Variants in ROBO1 observed in about 807,000 individuals in gnomAD.
ROBO1 encodes roundabout homolog 1.
A neutral mutation model predicts 195.9 loss-of-function variants in ROBO1; 149 were observed. That is an observed-to-expected ratio of 0.76 (90% CI 0.67 to 0.87). The LOEUF (loss-of-function observed/expected upper bound fraction) is 0.87, where lower values mean the gene tolerates loss of function less well. Among genes scored for constraint, ROBO1 ranks in the 40% least tolerant of loss-of-function variants. The pLI is 0.00. For synonymous variants in ROBO1, 816 were observed against 733.2 expected (o/e 1.11, Z -1.82); for missense variants, 1,933 against 2,068.3 (o/e 0.93, Z 1.27).
intron 1 of ROBO1, among the ~76,000 whole-genome samples, chr3:79,605,336 C>G (rs1944450926): frequency 6.6e-6 from 1 of 150,516 alleles, no homozygotes; most frequent in South Asian, 2.1e-4. Context: ...TTTCTAGATT[C>G]TTTTCTGGGA....
At chr3:78,691,960 A>G (rs1310816926) in intron 8 of ROBO1, among the ~76,000 whole-genome samples, 1 of 151,944 alleles carries the variant, frequency 6.6e-6, no homozygotes, top group Non-Finnish European at 1.5e-5. Context: ...TGTTGCAAAT[A>G]TATTTTTCCA....
chr3:78,858,017 T>C (rs879446013), intron 4 of ROBO1, among the ~76,000 whole-genome samples: 9 of 152,168 alleles, frequency 5.9e-5, no homozygotes, highest in Non-Finnish European at 1.2e-4. Flanking sequence ...ATTCCTGATA[T>C]ATTGTCAAGA....
intron 4 of ROBO1, among the ~76,000 whole-genome samples, chr3:78,864,498 C>CT (rs2035043448): frequency 6.6e-6 from 1 of 151,976 alleles, no homozygotes; most frequent in Non-Finnish European, 1.5e-5. Context: ...GAAGGCATTA[C>CT]TTTTTACAAA....
At chr3:78,702,867 A>C (rs1202774217) in intron 8 of ROBO1, among the ~76,000 whole-genome samples, 1 of 152,180 alleles carries the variant, frequency 6.6e-6, no homozygotes, top group Non-Finnish European at 1.5e-5. Context: ...GTGCTATGTC[A>C]TTATTTGTCA....
chr3:79,248,349 T>TAAGGTCC (rs2082661006), intron 2 of ROBO1, among the ~76,000 whole-genome samples: 1 of 96,282 alleles, frequency 1.0e-5, no homozygotes, highest in Non-Finnish European at 1.9e-5. Flanking sequence ...GCCTAATAGA[T>TAAGGTCC]AAGGTCCTAG....
chr3:79,177,990 C>A (rs889243467), intron 2 of ROBO1, among the ~76,000 whole-genome samples: 1 of 152,154 alleles, frequency 6.6e-6, no homozygotes, highest in Non-Finnish European at 1.5e-5. Context: ...AACAAGCTCT[C>A]TTTTACCTGC....
intron 3 of ROBO1, among the ~76,000 whole-genome samples, chr3:78,981,143 T>C (rs1003014261): frequency 6.6e-6 from 1 of 152,182 alleles, no homozygotes; most frequent in African/African-American, 2.4e-5. Context: ...TGGCTGGTAA[T>C]TGGGCATTGA....
chr3:79,298,062 A>C (rs1487636459), intron 2 of ROBO1, among the ~76,000 whole-genome samples: 1 of 152,150 alleles, frequency 6.6e-6, no homozygotes, highest in East Asian at 1.9e-4. Context: ...AAATAGAGAA[A>C]TACTATTCTC....
At chr3:78,685,258 T>G (rs906018615) in intron 10 of ROBO1, among the ~76,000 whole-genome samples, 37 of 152,196 alleles carry the variant, frequency 2.4e-4, no homozygotes, top group African/African-American at 8.4e-4. Flanking sequence ...TGTTCAGCAC[T>G]GTGTCCTTAC....
intron 10 of ROBO1, among the ~76,000 whole-genome samples, chr3:78,676,008 C>T (rs1427193637): frequency 1.3e-5 from 2 of 152,044 alleles, no homozygotes; most frequent in Non-Finnish European, 2.9e-5. Context: ...CAGCAGCATT[C>T]GAGGTTCATG....
intron 26 of ROBO1, among the ~76,000 whole-genome samples, chr3:78,618,248 T>C (rs1324078462): frequency 6.6e-6 from 1 of 152,208 alleles, no homozygotes; most frequent in African/African-American, 2.4e-5. Context: ...ACCGGGTTAC[T>C]TTCTGATTCA....
At chr3:79,708,229 A>G (rs939798606) in intron 1 of ROBO1, among the ~76,000 whole-genome samples, 1 of 152,168 alleles carries the variant, frequency 6.6e-6, no homozygotes, top group Non-Finnish European at 1.5e-5. Flanking sequence ...ATTCTTATCA[A>G]GATTGGGAAG....
intron 4 of ROBO1, among the ~76,000 whole-genome samples, chr3:78,892,277 C>T (rs2036949476): frequency 6.6e-6 from 1 of 152,158 alleles, no homozygotes; most frequent in Non-Finnish European, 1.5e-5. Context: ...ACTTAGGTTG[C>T]ATCCTCCTTG....
intron 3 of ROBO1, among the ~76,000 whole-genome samples, chr3:79,021,701 C>A (rs2078106265): frequency 7.0e-6 from 1 of 143,248 alleles, no homozygotes; most frequent in African/African-American, 2.6e-5. Context: ...GTCTTTGTCG[C>A]CCAGGCTGGA....
intron 1 of ROBO1, among the ~76,000 whole-genome samples, chr3:79,652,699 T>C (rs903903957): frequency 2.0e-5 from 3 of 152,048 alleles, no homozygotes; most frequent in Non-Finnish European, 2.9e-5. Flanking sequence ...GTGGTGGTGA[T>C]GGCAGTAGTA....
chr3:78,850,926 C>T (rs918124610), intron 4 of ROBO1, among the ~76,000 whole-genome samples: 2 of 152,068 alleles, frequency 1.3e-5, no homozygotes, highest in African/African-American at 4.8e-5. Context: ...CCTGCCTCAG[C>T]CTCCTGAGTA....
chr3:79,392,360 C>T (rs545295181), intron 2 of ROBO1, among the ~76,000 whole-genome samples: 1 of 152,118 alleles, frequency 6.6e-6, no homozygotes, highest in East Asian at 1.9e-4. Context: ...AAATGAGTAC[C>T]AGTTTTGAAG....
rs1231362192 is a variant in ROBO1 at position 78,677,938 on chromosome 3, A to G, written c.1343-7637T>C. Among the ~76,000 whole-genome samples the G allele has an allele frequency of 2.0e-5, 3 of 151,780 alleles. No homozygotes were observed. The East Asian group carries it at 5.8e-4, about 29-fold the overall frequency. Reference sequence around the variant, plus strand: ...CGTAGTTGGAAGTAAAGCTCTCCTCAGCAAATGTAAAAGAACAGAAATTAT... The same window carrying G: ...CGTAGTTGGAAGTAAAGCTCTCCTCGGCAAATGTAAAAGAACAGAAATTAT... On this transcript the variant is annotated intron_variant, in intron 10 of 30. Coordinates refer to ENST00000464233, the MANE Select transcript of ROBO1 (RefSeq NM_002941.4).
At chr3:78,983,547 T>C (rs751939590) in intron 3 of ROBO1, among the ~76,000 whole-genome samples, 16 of 152,322 alleles carry the variant, frequency 1.1e-4, no homozygotes, top group Non-Finnish European at 2.1e-4. Context: ...GTATTCAAAC[T>C]TTGCATAATA....
Sources: allele counts gnomAD v4.1 joint callset (sites outside exome capture counted in the v4.1 genomes callset), GRCh38; gene constraint gnomAD v4.1.1; transcripts MANE v1.5; gene names NCBI Gene and HGNC (gene_info 2026-07-23, HGNC 2026-07-21).